Variants in CYP7B1 observed in about 807,000 individuals in gnomAD.
CYP7B1 encodes cytochrome P450 family 7 subfamily B member 1.
CYP7B1 carries 29 observed loss-of-function variants against 42.7 expected under a neutral mutation model. The ratio of observed to expected loss-of-function variants is 0.68; its 90% CI spans 0.51 to 0.93. The LOEUF is 0.93. CYP7B1 is among the 40% of genes least tolerant of loss of function. The pLI is 0.00. For missense variants in CYP7B1, 655 were observed against 600.5 expected, an observed-to-expected ratio of 1.09 and a Z score of -0.95; for synonymous variants, 235 against 218.2, an observed-to-expected ratio of 1.08 and a Z score of -0.68.
chr8:64,630,992 A>C (rs1469505351), intron 1 of CYP7B1, among the ~76,000 whole-genome samples: 1 of 152,228 alleles, frequency 6.6e-6, no homozygotes, highest in Non-Finnish European at 1.5e-5. Flanking sequence ...CTTCAGGCCC[A>C]GATAGTCTCA....
chr8:64,645,352 G>A (rs1805934376), intron 1 of CYP7B1, among the ~76,000 whole-genome samples: 1 of 152,084 alleles, frequency 6.6e-6, no homozygotes, highest in Admixed American at 6.6e-5. Flanking sequence ...TTCCACAATG[G>A]TTGAACTAGT....
At chr8:64,681,036 T>C (rs892581645) in intron 1 of CYP7B1, among the ~76,000 whole-genome samples, 7 of 152,232 alleles carry the variant, frequency 4.6e-5, no homozygotes, top group Non-Finnish European at 1.0e-4. Context: ...CTGGAAATTA[T>C]TTCAAACGTT....
At chr8:64,765,456 T>A (rs1807957850) in intron 1 of CYP7B1, among the ~76,000 whole-genome samples, 1 of 152,182 alleles carries the variant, frequency 6.6e-6, no homozygotes, top group Admixed American at 6.5e-5. Context: ...ACTGGGCTGT[T>A]ATGAAATACT....
chr8:64,649,531 G>A (rs191963074), intron 1 of CYP7B1, among the ~76,000 whole-genome samples: 1 of 152,192 alleles, frequency 6.6e-6, no homozygotes, highest in Admixed American at 6.5e-5. Context: ...AGGTGGGCCT[G>A]TGTCTCTTCA....
At chr8:64,779,040 G>A (rs908747850) in intron 1 of CYP7B1, among the ~76,000 whole-genome samples, 3 of 152,102 alleles carry the variant, frequency 2.0e-5, no homozygotes, top group Non-Finnish European at 4.4e-5. Context: ...AAGTCCAAAT[G>A]TGTGTAAATG....
At chr8:64,775,560 G>T (rs1804310425) in intron 1 of CYP7B1, among the ~76,000 whole-genome samples, 1 of 152,112 alleles carries the variant, frequency 6.6e-6, no homozygotes, top group Non-Finnish European at 1.5e-5. Flanking sequence ...TAGGTGCTGA[G>T]GACAGAGAGA....
intron 1 of CYP7B1, among the ~76,000 whole-genome samples, chr8:64,795,904 G>A (rs1004576652): frequency 7.9e-5 from 12 of 152,204 alleles, no homozygotes; most frequent in Non-Finnish European, 1.5e-4. Context: ...GCCAAAAGAG[G>A]TGGAATTGGT....
chr8:64,731,133 T>C (rs1353021344), intron 1 of CYP7B1, among the ~76,000 whole-genome samples: 1 of 152,162 alleles, frequency 6.6e-6, no homozygotes, highest in Non-Finnish European at 1.5e-5. Context: ...CGGTATGTCT[T>C]TATTAGCAGC....
intron 1 of CYP7B1, among the ~76,000 whole-genome samples, chr8:64,685,028 G>T (rs894428360): frequency 6.6e-6 from 1 of 152,190 alleles, no homozygotes; most frequent in Non-Finnish European, 1.5e-5. Flanking sequence ...TCCTCAAAAA[G>T]TTAAACACAA....
rs369453860 is a variant in CYP7B1, at chr8:64,659,121, G to A, written c.123-34582C>T. On this transcript the variant is annotated intron_variant, in intron 1 of 5. Coordinates refer to ENST00000310193, the MANE Select transcript of CYP7B1 (RefSeq NM_004820.5). ...AGCTAGTTTGCTTTTTATTTTTCAC[G>A]GTAATATACTATAGTAACTGAAATT... 1.3e-5 allele frequency among the ~76,000 whole-genome samples: 2 copies of A among 152,028 alleles called. 1 individual carries two copies. The highest frequency in any genetic ancestry group is 1.3e-4 in the Admixed American group (2 of 15,252).
chr8:64,778,455 A>G (rs940402679), intron 1 of CYP7B1, among the ~76,000 whole-genome samples: 23 of 151,980 alleles, frequency 1.5e-4, no homozygotes, highest in African/African-American at 5.6e-4. Flanking sequence ...ATCAGGAACC[A>G]CTATGTTTTG....
rs892582914 is a variant in CYP7B1 at position 64,594,908 on chromosome 8, A to G, written c.*1734T>C. Among the ~76,000 whole-genome samples the G allele has an allele frequency of 6.6e-6, 1 of 152,238 alleles. No homozygotes were observed. Among genetic ancestry groups the G allele is most frequent in the Admixed American group, 6.5e-5 (1 of 15,292 alleles). ...GAGAAGATTCCATACTTGATGGGAG[A>G]CACCTGTGCTCAGATTCAAGAAGCA... On this transcript the variant is annotated 3_prime_UTR_variant, in exon 6 of 6. Coordinates refer to ENST00000310193, the MANE Select transcript of CYP7B1 (RefSeq NM_004820.5).
At chr8:64,667,902 A>T in intron 1 of CYP7B1, among the ~76,000 whole-genome samples, 1 of 152,144 alleles carries the variant, frequency 6.6e-6, no homozygotes, top group Admixed American at 6.5e-5. Context: ...TTGCAAATTC[A>T]CTTCATTTTA....
intron 1 of CYP7B1, among the ~76,000 whole-genome samples, chr8:64,689,334 AG>A (rs1806703939): frequency 6.6e-6 from 1 of 152,254 alleles, no homozygotes; most frequent in Non-Finnish European, 1.5e-5. Flanking sequence ...TCACACACAT[AG>A]ATCCTACTTC....
At chr8:64,777,511 A>C (rs1454594086) in intron 1 of CYP7B1, among the ~76,000 whole-genome samples, 3 of 152,108 alleles carry the variant, frequency 2.0e-5, no homozygotes, top group Non-Finnish European at 2.9e-5. Flanking sequence ...TCTGAGTAGC[A>C]AAATATGGCA....
At chr8:64,619,276 G>T (rs1162295044) in intron 2 of CYP7B1, among the ~76,000 whole-genome samples, 1 of 152,120 alleles carries the variant, frequency 6.6e-6, no homozygotes, top group African/African-American at 2.4e-5. Context: ...TCTGAAGGCC[G>T]TGTATTCTTG....
intron 4 of CYP7B1, among the ~76,000 whole-genome samples, chr8:64,610,078 A>G (rs960978274): frequency 1.1e-4 from 16 of 152,172 alleles, no homozygotes; most frequent in African/African-American, 3.9e-4. Flanking sequence ...GCTGAGTCAC[A>G]TGTTTCTCAT....
At chr8:64,779,710 T>A (rs1248561118) in intron 1 of CYP7B1, among the ~76,000 whole-genome samples, 2 of 152,162 alleles carry the variant, frequency 1.3e-5, no homozygotes, top group African/African-American at 4.8e-5. Context: ...ACTTTGGTTT[T>A]TCAAACAGAA....
chr8:64,616,268 T>C lies in CYP7B1; in HGVS notation c.273A>G (p.Thr91=), dbSNP rs758488130. The change falls in exon 3 of 6, where the codon ACA becomes ACG. Residue 91 remains threonine (T), a synonymous_variant. Transcript: ENST00000310193. ...GGTACTGGAAGGGGTCCAGGATAAA[T>C]GTTATGTACTTTCCTAGAAAAAAAA... ...FTVLLGGKYI[T]FILDPFQYQL... 1.3e-5 allele frequency: 20 copies of C among 1,592,904 alleles called. No homozygotes were observed. The highest frequency in any genetic ancestry group is 1.9e-4 in the Middle Eastern group (1 of 5,212).
Sources: gnomAD v4.1 joint callset for allele counts (sites outside exome capture counted in the v4.1 genomes callset) on GRCh38, gnomAD v4.1.1 for gene constraint, MANE v1.5 for transcripts, NCBI Gene and HGNC (gene_info 2026-07-23, HGNC 2026-07-21) for gene names.